AUNIP: variants seen among roughly 807,000 people sequenced by gnomAD.
AUNIP encodes the protein aurora kinase A- and ninein-interacting protein.
In AUNIP, 16 loss-of-function variants were observed where a neutral mutation model predicts 12.2. That is an observed-to-expected ratio of 1.31 (90% CI 0.88 to 1.99). The LOEUF is 1.99. Ranked by LOEUF, AUNIP falls within the 30% of genes most tolerant of loss-of-function variation. The pLI is 0.00. For synonymous variants in AUNIP, 142 were observed against 154.8 expected, an observed-to-expected ratio of 0.92 and a Z score of 0.61; for missense variants, 411 against 419.1, an observed-to-expected ratio of 0.98 and a Z score of 0.17.
At chr1:25,848,579 A>AC (rs1230393459) in intron 1 of AUNIP, among the ~76,000 whole-genome samples, 3 of 151,224 alleles carry the variant, frequency 2.0e-5, no homozygotes, top group African/African-American at 7.3e-5. Flanking sequence ...CCCACCTGAT[A>AC]GGAGTGTTTT....
At chr1:25,838,989 A>G (rs1198908543) in intron 1 of AUNIP, among the ~76,000 whole-genome samples, 1 of 152,222 alleles carries the variant, frequency 6.6e-6, no homozygotes, top group Non-Finnish European at 1.5e-5. Context: ...GGTTAAAAAA[A>G]GAAAGAAATC....
At chr1:25,843,963 A>G (rs578121915) in intron 1 of AUNIP, among the ~76,000 whole-genome samples, 1 of 152,338 alleles carries the variant, frequency 6.6e-6, no homozygotes, top group Non-Finnish European at 1.5e-5. Context: ...ACATAAACTT[A>G]ATTGAGAAAG....
Position 25,847,982 on chromosome 1 carries a change from T to G in AUNIP, c.79-10428A>C, listed in dbSNP as rs2048396118. ...AAATAAACAACTAAAAATAAACAAC[T>G]TTCAACTTCTGCCATCCTGGACTAA... On this transcript the variant is annotated intron_variant, in intron 1 of 2. Transcript: ENST00000374298. The surrounding 1 kb of genome is among the most constrained non-coding windows in gnomAD (Gnocchi z 4.2). 6.6e-6 allele frequency among the ~76,000 whole-genome samples: 1 copy of G among 151,946 alleles called. No individual in the cohort carries two copies. Among genetic ancestry groups the G allele is most frequent in the Non-Finnish European group, 1.5e-5 (1 of 67,960 alleles).
chr1:25,832,152 G>T (rs748969751), downstream of AUNIP: 57 of 1,569,906 alleles, frequency 3.6e-5, no homozygotes, highest in East Asian at 1.3e-3. Context: ...ACAAGCTAGA[G>T]CTTGGACTGA....
In AUNIP at chr1:25,847,917, C is replaced by A. The variant is rs2048395747; in HGVS notation, c.79-10363G>T. On this transcript the variant is annotated intron_variant, in intron 1 of 2. Coordinates refer to ENST00000374298, the MANE Select transcript of AUNIP (RefSeq NM_024037.3). The surrounding 1 kb of genome is among the most constrained non-coding windows in gnomAD (Gnocchi z 4.2). ...CCAAGATCACGCCACCGCACTCTAG[C>A]CTGGGTGACAGAGTGAGACCCTGTC... Among the ~76,000 whole-genome samples, 1 of 152,072 alleles carries A rather than the reference C, an allele frequency of 6.6e-6. No homozygotes were observed. The highest frequency in any genetic ancestry group is 2.4e-5 in the African/African-American group (1 of 41,404).
rs889492337 is a variant in AUNIP, at chr1:25,855,025, T to C, written c.78+4255A>G. Among the ~76,000 whole-genome samples the C allele has an allele frequency of 1.2e-4, 18 of 150,326 alleles. No homozygotes were observed. In the East Asian group the frequency reaches 2.9e-3, roughly 24 times the overall value. On this transcript the variant is annotated intron_variant, in intron 1 of 2. Transcript: ENST00000374298. Reference sequence around the variant, plus strand: ...AGTCTGGAGTGCAGTGGCGCAACCTTGGCTCACTGCAACCTCCACCTTCTG... The same window carrying C: ...AGTCTGGAGTGCAGTGGCGCAACCTCGGCTCACTGCAACCTCCACCTTCTG...
intron 1 of AUNIP, among the ~76,000 whole-genome samples, chr1:25,855,018 G>A (rs213645): frequency 0.22 from 31,492 of 145,698 alleles, 3,644 homozygotes; most frequent in African/African-American, 0.27. Flanking sequence ...GTGCAGTGGC[G>A]CAACCTTGGC....
intron 1 of AUNIP, among the ~76,000 whole-genome samples, chr1:25,840,073 G>A (rs771474864): frequency 2.6e-5 from 4 of 152,066 alleles, no homozygotes; most frequent in Non-Finnish European, 4.4e-5. Flanking sequence ...ACTGTAATTG[G>A]GGTGGGGGTG....
At position 25,834,540 on chromosome 1, in the gene AUNIP, C is replaced by A; in HGVS notation, c.*453G>T. Reference sequence around the variant, plus strand: ...GCTGAGGCAGGAGAATCGCTTGAATCCGGGAGACAGAGGGTGCAGTGAGCT... The same window carrying A: ...GCTGAGGCAGGAGAATCGCTTGAATACGGGAGACAGAGGGTGCAGTGAGCT... On this transcript the variant is annotated 3_prime_UTR_variant, in exon 3 of 3. Coordinates refer to ENST00000374298, the MANE Select transcript of AUNIP (RefSeq NM_024037.3). The A allele has an allele frequency of 1.2e-6, 1 of 823,118 alleles. No homozygotes were observed. Among genetic ancestry groups the A allele is most frequent in the Non-Finnish European group, 1.5e-6 (1 of 683,080 alleles). 51.0% of individuals were successfully genotyped at this position (823,118 alleles called of 1,614,324 possible).
At chr1:25,852,460 G>GTTTTTTTTTTTT (rs369193804) in intron 1 of AUNIP, among the ~76,000 whole-genome samples, 1 of 114,126 alleles carries the variant, frequency 8.8e-6, no homozygotes, top group African/African-American at 3.6e-5. Flanking sequence ...TTTTTTTTTT[G>GTTTTTTTTTTTT]TTGTTTTTTT....
downstream of AUNIP, among the ~76,000 whole-genome samples, chr1:25,833,451 G>A (rs991002937): frequency 6.6e-6 from 1 of 152,060 alleles, no homozygotes; most frequent in Non-Finnish European, 1.5e-5. Context: ...CCAGGAAAAT[G>A]ACTGGAGAGA....
intron 1 of AUNIP, among the ~76,000 whole-genome samples, chr1:25,852,530 C>T (rs1042758318): frequency 1.3e-5 from 2 of 150,328 alleles, no homozygotes; most frequent in Non-Finnish European, 3.0e-5. Flanking sequence ...ACCTCCGCCT[C>T]CTGGGTTCAA....
intron 1 of AUNIP, among the ~76,000 whole-genome samples, chr1:25,846,255 C>T (rs111887865): frequency 0.022 from 3,400 of 151,850 alleles, 129 homozygotes; most frequent in African/African-American, 0.077. Context: ...CTCATCTCTA[C>T]TAAAAACACA....
downstream of AUNIP, among the ~76,000 whole-genome samples, chr1:25,833,775 A>C (rs1234068769): frequency 2.1e-5 from 3 of 145,028 alleles, no homozygotes; most frequent in African/African-American, 7.5e-5. Flanking sequence ...ATTTAAGTTA[A>C]AAAAAAAAAA....
intron 2 of AUNIP, 114 bp downstream of exon 2, chr1:25,837,299 A>C: frequency 7.8e-7 from 1 of 1,280,978 alleles, no homozygotes; most frequent in Non-Finnish European, 1.1e-6. Flanking sequence ...TAACAGGCTA[A>C]GTTTAACACA....
intron 1 of AUNIP, among the ~76,000 whole-genome samples, chr1:25,837,780 G>C (rs1359311376): frequency 6.6e-6 from 1 of 152,134 alleles, no homozygotes; most frequent in African/African-American, 2.4e-5. Flanking sequence ...CAATCTTTCT[G>C]CTTCCCCATG....
chr1:25,858,856 G>A (rs2048483426), intron 1 of AUNIP, among the ~76,000 whole-genome samples: 1 of 152,152 alleles, frequency 6.6e-6, no homozygotes, highest in Non-Finnish European at 1.5e-5. Flanking sequence ...AAATTGGGTG[G>A]AAACAGACCC....
At chr1:25,845,783 G>C (rs1572264408) in intron 1 of AUNIP, among the ~76,000 whole-genome samples, 1 of 152,214 alleles carries the variant, frequency 6.6e-6, no homozygotes, top group East Asian at 1.9e-4. Context: ...TACATTTTCA[G>C]CACAACAGCA....
chr1:25,852,639 C>T (rs2048432327), intron 1 of AUNIP, among the ~76,000 whole-genome samples: 1 of 151,722 alleles, frequency 6.6e-6, no homozygotes, highest in Admixed American at 6.6e-5. Flanking sequence ...AGGGTTTCGC[C>T]GTGTTGGCCA....
Sources: allele counts gnomAD v4.1 joint callset (sites outside exome capture counted in the v4.1 genomes callset), GRCh38; gene constraint gnomAD v4.1.1; non-coding constraint Gnocchi (gnomAD v3.1); transcripts MANE v1.5; gene names NCBI Gene and HGNC (gene_info 2026-07-23, HGNC 2026-07-21).